Variants in PMEPA1 observed in about 807,000 individuals in gnomAD.
The protein encoded by PMEPA1 is protein TMEPAI.
PMEPA1 carries 11 observed loss-of-function variants against 23.0 expected under a neutral mutation model. The observed-to-expected ratio is 0.48, with a 90% CI of 0.30 to 0.79. The LOEUF (loss-of-function observed/expected upper bound fraction) is 0.79, where lower values mean the gene tolerates loss of function less well. PMEPA1 is among the 30% of genes least tolerant of loss of function. The probability of loss-of-function intolerance (pLI) is 0.06; values close to 1 mark genes in which losing one functional copy is unlikely to be tolerated. For missense variants in PMEPA1, 377 were observed against 390.9 expected, an observed-to-expected ratio of 0.96 and a Z score of 0.30; for synonymous variants, 204 against 166.4, an observed-to-expected ratio of 1.23 and a Z score of -1.74.
At position 57,709,548 on chromosome 20, in the gene PMEPA1, G is replaced by A. The variant is rs775612942; in HGVS notation, c.35C>T (p.Ala12Val). Reference protein sequence around the residue: ...HRLMGVNSTAAAAAGQPNVSC... With the variant: ...HRLMGVNSTAVAAAGQPNVSC... ...GACATTGGGCTGCCCGGCGGCGGCG[G>A]CGGCGGTGCTGTTGACCCCCATCAA... is the stretch of plus-strand genomic sequence containing the variant. The change falls in exon 1 of 4, where the codon GCC becomes GTC. Residue 12 changes from alanine (A) to valine (V), a missense_variant. Transcript: ENST00000341744. 9.1e-7 allele frequency: 1 copy of A among 1,104,676 alleles called. No homozygotes were observed. Among genetic ancestry groups the A allele is most frequent in the Non-Finnish European group, 1.1e-6 (1 of 888,194 alleles). 68.4% of individuals were successfully genotyped at this position (1,104,676 alleles called of 1,614,324 possible). A position where few individuals can be genotyped will look rare whatever the true frequency, so the allele number is the denominator to read the frequency against.
At position 57,700,094 on chromosome 20, in the gene PMEPA1, T is replaced by A. The variant is rs567326109; in HGVS notation, c.109+9380A>T. On this transcript the variant is annotated intron_variant, in intron 1 of 3. Transcript: ENST00000341744. ...ACTTTCATGCTCCCAAAGCCAGTGATGGAACTGGCCCCTCCTGGAGACCTT... is the reference window on the plus strand; with the variant it reads ...ACTTTCATGCTCCCAAAGCCAGTGAAGGAACTGGCCCCTCCTGGAGACCTT... 328 of 471,348 alleles carry A rather than the reference T, an allele frequency of 7.0e-4. 1 individual carries two copies. The highest frequency in any genetic ancestry group is 6.1e-3 in the African/African-American group (308 of 50,200). The allele number at this position is 471,348 out of a possible 1,614,324, so 29.2% of individuals were successfully genotyped here. A position where few individuals can be genotyped will look rare whatever the true frequency, so the allele number is the denominator to read the frequency against.
intron 1 of PMEPA1, among the ~76,000 whole-genome samples, chr20:57,703,508 C>T (rs561374006): frequency 1.3e-5 from 2 of 152,322 alleles, no homozygotes; most frequent in African/African-American, 4.8e-5. Flanking sequence ...CCAAGCCTGG[C>T]AGTGGATTAA....
chr20:57,690,580 G>A (rs1470634260), intron 1 of PMEPA1: 29 of 1,248,188 alleles, frequency 2.3e-5, no homozygotes, highest in South Asian at 5.5e-5. Context: ...TTGCTATGGC[G>A]GGTGTAGAGG....
At position 57,652,640 on chromosome 20, in the gene PMEPA1, A is replaced by G; in HGVS notation, c.319-42T>C. ...GGGAGTGAGGGAGGGCGGCTGTCTCAGGTGGGTTGTCCAGAAGCGATCCTG... is the reference window on the plus strand; with the variant it reads ...GGGAGTGAGGGAGGGCGGCTGTCTCGGGTGGGTTGTCCAGAAGCGATCCTG... On this transcript the variant is annotated intron_variant, in intron 3 of 3. Coordinates refer to ENST00000341744, the MANE Select transcript of PMEPA1 (RefSeq NM_020182.5). This position sits in a 1 kb window ranked among gnomAD's most constrained non-coding sequence, Gnocchi z 6.1. The G allele has an allele frequency of 7.1e-7, 1 of 1,417,722 alleles. No homozygotes were observed. Among genetic ancestry groups the G allele is most frequent in the South Asian group, 1.5e-5 (1 of 67,774 alleles). The allele number at this position is 1,417,722 out of a possible 1,614,324, so 87.8% of individuals were successfully genotyped here.
At position 57,651,955 on chromosome 20, in the gene PMEPA1, T is replaced by C. The variant is rs1353563245; in HGVS notation, c.*98A>G. ...TGGGAGGGGAGGGCCACACGATGCGTTGCTGCGCCCCCCGCCTTCCTCTCA... is the reference window on the plus strand; with the variant it reads ...TGGGAGGGGAGGGCCACACGATGCGCTGCTGCGCCCCCCGCCTTCCTCTCA... On this transcript the variant is annotated 3_prime_UTR_variant, in exon 4 of 4. Transcript: ENST00000341744. 2.9e-6 allele frequency: 3 copies of C among 1,037,944 alleles called. No homozygotes were observed. The highest frequency in any genetic ancestry group is 4.0e-6 in the Non-Finnish European group (3 of 742,504). The allele number at this position is 1,037,944 out of a possible 1,614,324, so 64.3% of individuals were successfully genotyped here. A position where few individuals can be genotyped will look rare whatever the true frequency, so the allele number is the denominator to read the frequency against.
At chr20:57,690,322 C>A in intron 1 of PMEPA1, 1 of 844,468 alleles carries the variant, frequency 1.2e-6, no homozygotes, top group Non-Finnish European at 1.8e-6. Flanking sequence ...CCACCCCCAC[C>A]ACTGCCACCC....
In PMEPA1 at chr20:57,655,928, G is replaced by A. The variant is rs974864874; in HGVS notation, c.265-2842C>T. On this transcript the variant is annotated intron_variant, in intron 2 of 3. Coordinates refer to ENST00000341744, the MANE Select transcript of PMEPA1 (RefSeq NM_020182.5). The surrounding 1 kb of genome is among the most constrained non-coding windows in gnomAD (Gnocchi z 4.2). ...GCGCAGCTATGGGCAAAACGCACTC[G>A]AAAACACTTCATTCACACTCAGAAA... is the stretch of plus-strand genomic sequence containing the variant. Among the ~76,000 whole-genome samples, 5 of 152,050 alleles carry A rather than the reference G, an allele frequency of 3.3e-5. No homozygotes were observed. Among genetic ancestry groups the A allele is most frequent in the African/African-American group, 1.2e-4 (5 of 41,438 alleles).
intron 2 of PMEPA1, among the ~76,000 whole-genome samples, chr20:57,653,959 G>T (rs1568960365): frequency 6.6e-6 from 1 of 152,094 alleles, no homozygotes; most frequent in Non-Finnish European, 1.5e-5. Context: ...CAGTTCACAG[G>T]TGAAAAACAG....
At chr20:57,678,056 T>C (rs1207581300) in intron 1 of PMEPA1, among the ~76,000 whole-genome samples, 1 of 152,208 alleles carries the variant, frequency 6.6e-6, no homozygotes, top group Non-Finnish European at 1.5e-5. Context: ...TGGATACAGT[T>C]AGAAAAGGGT....
intron 1 of PMEPA1, among the ~76,000 whole-genome samples, chr20:57,673,901 C>T (rs1314529999): frequency 4.6e-5 from 7 of 152,232 alleles, no homozygotes; most frequent in Non-Finnish European, 7.3e-5. Flanking sequence ...TTCCCACCTT[C>T]AGACCCCAAG....
intron 1 of PMEPA1, among the ~76,000 whole-genome samples, chr20:57,678,708 G>A (rs1330789221): frequency 2.0e-5 from 3 of 152,210 alleles, no homozygotes; most frequent in South Asian, 2.1e-4. Flanking sequence ...ATTTAGAAAC[G>A]AGGAAAGGAG....
At chr20:57,707,425 T>C (rs1420659263) in intron 1 of PMEPA1, among the ~76,000 whole-genome samples, 1 of 152,198 alleles carries the variant, frequency 6.6e-6, no homozygotes, top group African/African-American at 2.4e-5. Flanking sequence ...GGGGGCTGTG[T>C]ATACACAGAA....
In PMEPA1 at chr20:57,652,115, G is replaced by T. The variant is rs1309341106; in HGVS notation, c.802C>A (p.Pro268Thr). The change falls in exon 4 of 4, where the codon CCC becomes ACC. Residue 268 changes from proline to threonine, a missense_variant. Around this residue, in one of 3 missense-constraint regions of PMEPA1, gnomAD observed 176 missense variants for 173.0 expected, o/e 1.02. Coordinates refer to ENST00000341744, the MANE Select transcript of PMEPA1 (RefSeq NM_020182.5). This position sits in a 1 kb window ranked among gnomAD's most constrained non-coding sequence, Gnocchi z 6.1. ...CTCCAGATGGCTGCGCTCTCTAGGGGCGCGATGTGTGTGTGGTGGAGCCGG... is the reference window on the plus strand; with the variant it reads ...CTCCAGATGGCTGCGCTCTCTAGGGTCGCGATGTGTGTGTGGTGGAGCCGG... ...GTRLHHTHIA[P>T]LESAAIWSKE... 2.5e-6 allele frequency: 4 copies of T among 1,583,600 alleles called. No homozygotes were observed. Among genetic ancestry groups the T allele is most frequent in the Non-Finnish European group, 3.4e-6 (4 of 1,163,944 alleles).
At chr20:57,706,364 G>C (rs1477905770) in intron 1 of PMEPA1, among the ~76,000 whole-genome samples, 3 of 152,222 alleles carry the variant, frequency 2.0e-5, no homozygotes, top group Admixed American at 6.5e-5. Flanking sequence ...CAGGTGCCAG[G>C]AGTCCTTTCC....
intron 1 of PMEPA1, among the ~76,000 whole-genome samples, chr20:57,689,638 A>C (rs1033237422): frequency 5.3e-5 from 8 of 152,184 alleles, no homozygotes; most frequent in African/African-American, 1.9e-4. Flanking sequence ...GCCCACATAA[A>C]TAGCTGTTTC....
chr20:57,690,699 G>A (rs957287023), intron 1 of PMEPA1: 1 of 649,894 alleles, frequency 1.5e-6, no homozygotes, highest in Non-Finnish European at 2.2e-6. Flanking sequence ...ATGAAGATCT[G>A]GCTTCTTCTG....
At position 57,709,789 on chromosome 20, in the gene PMEPA1, C is replaced by A. The variant is rs1281112778; in HGVS notation, c.-207G>T. The A allele has an allele frequency of 2.0e-6, 2 of 982,336 alleles. No individual in the cohort carries two copies. The highest frequency in any genetic ancestry group is 3.5e-5 in the African/African-American group (2 of 56,718). 60.9% of individuals were successfully genotyped at this position (982,336 alleles called of 1,614,324 possible). On this transcript the variant is annotated 5_prime_UTR_variant, in exon 1 of 4. Coordinates refer to ENST00000341744, the MANE Select transcript of PMEPA1 (RefSeq NM_020182.5). ...ACCGCGCTCCGCTGCGCCCCCCCGG[C>A]CTCCCCTCGGCAGCCCCGGGGGCGT... is the stretch of plus-strand genomic sequence containing the variant.
intron 1 of PMEPA1, among the ~76,000 whole-genome samples, chr20:57,663,754 C>G (rs1055653726): frequency 1.3e-5 from 2 of 152,218 alleles, no homozygotes; most frequent in African/African-American, 4.8e-5. Context: ...TGCCCCTGGA[C>G]ATGCCCAGAC....
chr20:57,652,035 C>T lies in PMEPA1; in HGVS notation c.*18G>A, dbSNP rs1283210260. ...GCCTTTTCACCTACGCAGCCCCAGC[C>T]CGGCCCCCCTGGGGACCCTAGAGAG... is the stretch of plus-strand genomic sequence containing the variant. On this transcript the variant is annotated 3_prime_UTR_variant, in exon 4 of 4. Transcript: ENST00000341744. The surrounding 1 kb of genome is among the most constrained non-coding windows in gnomAD (Gnocchi z 6.1). 2 of 1,458,386 alleles carry T rather than the reference C, an allele frequency of 1.4e-6. No homozygotes were observed. The highest frequency in any genetic ancestry group is 1.8e-6 in the Non-Finnish European group (2 of 1,100,974). 90.3% of individuals were successfully genotyped at this position (1,458,386 alleles called of 1,614,324 possible).
Sources: gnomAD v4.1 joint callset for allele counts (sites outside exome capture counted in the v4.1 genomes callset) on GRCh38, gnomAD v4.1.1 for gene constraint, gnomAD v4.1.1 regional missense constraint, Gnocchi (gnomAD v3.1) non-coding constraint, MANE v1.5 for transcripts, NCBI Gene and HGNC (gene_info 2026-07-23, HGNC 2026-07-21) for gene names.